DOCK9: variants seen among roughly 807,000 people sequenced by gnomAD.
The protein encoded by DOCK9 is dedicator of cytokinesis protein 9.
DOCK9 carries 89 observed loss-of-function variants against 263.3 expected under a neutral mutation model. That is an observed-to-expected ratio of 0.34 (90% confidence interval 0.28 to 0.40). The LOEUF (loss-of-function observed/expected upper bound fraction) is 0.40, where lower values mean the gene tolerates loss of function less well. DOCK9 is among the 10% of genes least tolerant of loss of function. The pLI is 1.00. For synonymous variants in DOCK9, 976 were observed against 973.1 expected (o/e 1.00, Z -0.06); for missense variants, 2,140 against 2,603.4 (o/e 0.82, Z 3.87).
chr13:99,086,505 G>A (rs1315341408), exon 1 of DOCK9: 16 of 361,560 alleles, frequency 4.4e-5, no homozygotes, highest in Non-Finnish European at 5.3e-5. Context: ...GAGTCCGGCC[G>A]CCGCAGCCCA....
upstream of DOCK9, among the ~76,000 whole-genome samples, chr13:99,087,601 G>A (rs2042376615): frequency 6.6e-6 from 1 of 152,164 alleles, no homozygotes; most frequent in Non-Finnish European, 1.5e-5. Context: ...GTCCCTAAGG[G>A]CCCGCTCCCG....
intron 2 of DOCK9, among the ~76,000 whole-genome samples, chr13:98,954,908 A>G (rs888705162): frequency 6.8e-6 from 1 of 147,992 alleles, no homozygotes; most frequent in Non-Finnish European, 1.5e-5. Flanking sequence ...ATTTTGGCAT[A>G]CTTATAATTA....
At chr13:98,923,467 A>G in intron 4 of DOCK9, 96 bp from the exon 5 acceptor site, 1 of 973,420 alleles carries the variant, frequency 1.0e-6, no homozygotes, top group African/African-American at 1.6e-5. Flanking sequence ...CCTTTACTAA[A>G]TCCAAAGATG....
intron 15 of DOCK9, among the ~76,000 whole-genome samples, chr13:98,894,957 CAAAAAAAAAAAA>C (rs71114557): frequency 0.11 from 8,340 of 73,542 alleles, 465 homozygotes; most frequent in African/African-American, 0.25. Context: ...TACTAAAATA[CAAAAAAAAAAAA>C]AAAAAAAAAA....
intron 9 of DOCK9, among the ~76,000 whole-genome samples, chr13:98,911,427 T>G (rs909650326): frequency 2.0e-5 from 3 of 152,096 alleles, no homozygotes; most frequent in Non-Finnish European, 2.9e-5. Flanking sequence ...ACTCCCAAAA[T>G]AGGTACATTA....
At chr13:98,794,895 G>A in intron 52 of DOCK9, 147 bp from the exon 53 acceptor site, 1 of 767,306 alleles carries the variant, frequency 1.3e-6, no homozygotes, top group South Asian at 1.8e-5. Context: ...CAATGTTACT[G>A]AGTATAAGGA....
intron 7 of DOCK9, among the ~76,000 whole-genome samples, chr13:98,917,616 T>C (rs1179912751): frequency 1.3e-5 from 2 of 150,486 alleles, no homozygotes; most frequent in Non-Finnish European, 1.5e-5. Context: ...GGCCCAAATA[T>C]ACTTTCATGT....
chr13:98,920,874 G>A (rs2051860565), intron 7 of DOCK9, 80 bp downstream of exon 7: 2 of 1,380,348 alleles, frequency 1.4e-6, no homozygotes, highest in East Asian at 2.4e-5. Context: ...TTTTGGAAGT[G>A]TTTGCTTAAA....
In DOCK9 at chr13:98,845,964, C is replaced by T; in HGVS notation, c.4158G>A (p.Gln1386=). The T allele has an allele frequency of 6.2e-7, 1 of 1,613,444 alleles. No homozygotes were observed. Among genetic ancestry groups the T allele is most frequent in the East Asian group, 2.2e-5 (1 of 44,874 alleles). ...NRTGMMHARL[Q]QLGSLDNSLT... is the part of the protein sequence containing the mutation. The stretch of plus-strand genomic sequence containing the variant: ...GAGAGTTATCCAGGCTGCCCAGCTG[C>T]TGCAATCTGGCATGCATCATTCCTG... The change falls in exon 38 of 53, where the codon CAG becomes CAA. Residue 1386 remains glutamine (Q), a synonymous_variant. Coordinates refer to ENST00000682017, the MANE Select transcript of DOCK9 (RefSeq NM_001366683.2).
chr13:98,894,957 CAAAAAAAA>C (rs71114557), intron 15 of DOCK9, among the ~76,000 whole-genome samples: 367 of 73,386 alleles, frequency 5.0e-3, no homozygotes, highest in African/African-American at 0.017. Context: ...TACTAAAATA[CAAAAAAAA>C]AAAAAAAAAA....
rs769228614 is a variant in DOCK9 at position 98,829,281 on chromosome 13, A to T, written c.4965+26T>A. The T allele has an allele frequency of 1.7e-5, 27 of 1,589,798 alleles. No individual in the cohort carries two copies. The African/African-American group carries it at 3.4e-4, about 20-fold the overall frequency. On this transcript the variant is annotated intron_variant, in intron 43 of 52. Coordinates refer to ENST00000682017, the MANE Select transcript of DOCK9 (RefSeq NM_001366683.2). The surrounding 1 kb of genome is among the most constrained non-coding windows in gnomAD (Gnocchi z 4.1). Reference sequence around the variant, plus strand: ...GCCTCACTGGTTTTTTCAAAAACCCATTCAAGCGGCTGGCAGGGCTACTAC... The same window carrying T: ...GCCTCACTGGTTTTTTCAAAAACCCTTTCAAGCGGCTGGCAGGGCTACTAC...
intron 1 of DOCK9, among the ~76,000 whole-genome samples, chr13:98,986,230 C>T (rs1200879960): frequency 6.6e-6 from 1 of 152,228 alleles, no homozygotes; most frequent in African/African-American, 2.4e-5. Flanking sequence ...TTACTTAAAG[C>T]AAGTTCCTTC....
intron 27 of DOCK9, among the ~76,000 whole-genome samples, chr13:98,869,042 T>A (rs1300214511): frequency 6.6e-6 from 1 of 152,226 alleles, no homozygotes; most frequent in Non-Finnish European, 1.5e-5. Flanking sequence ...CTTTGATGAT[T>A]CTGATGCCTG....
At chr13:99,081,930 C>T (rs1047824637) in intron 1 of DOCK9, among the ~76,000 whole-genome samples, 3 of 152,120 alleles carry the variant, frequency 2.0e-5, no homozygotes, top group Admixed American at 1.3e-4. Flanking sequence ...GTAGCACCTC[C>T]ACTACTTTTA....
At position 98,853,403 on chromosome 13, in the gene DOCK9, C is replaced by T; in HGVS notation, c.3946+5G>A. The stretch of plus-strand genomic sequence containing the variant: ...CAAAACAGAAATCTCCATTTTTTAA[C>T]CTACCATCAGACATGCTCTTTAAGA... On this transcript the variant is annotated splice_donor_5th_base_variant and intron_variant, in intron 35 of 52. Coordinates refer to ENST00000682017, the MANE Select transcript of DOCK9 (RefSeq NM_001366683.2). 6.3e-7 allele frequency: 1 copy of T among 1,578,560 alleles called. No homozygotes were observed. Among genetic ancestry groups the T allele is most frequent in the Non-Finnish European group, 8.6e-7 (1 of 1,158,776 alleles).
chr13:99,001,119 A>G (rs962424750), intron 1 of DOCK9, among the ~76,000 whole-genome samples: 9 of 152,224 alleles, frequency 5.9e-5, no homozygotes, highest in Admixed American at 2.0e-4. Context: ...AGACTAAACA[A>G]TGATTCTAAG....
At chr13:99,015,728 T>A (rs4772168) in intron 1 of DOCK9, 47 of 1,397,320 alleles carry the variant, frequency 3.4e-5, no homozygotes, top group Non-Finnish European at 4.3e-5. Context: ...TCACCGGTAC[T>A]GGAACAGAAG....
chr13:98,984,538 G>T (rs1157860332), intron 1 of DOCK9, among the ~76,000 whole-genome samples: 1 of 152,124 alleles, frequency 6.6e-6, no homozygotes, highest in Non-Finnish European at 1.5e-5. Flanking sequence ...ACAACAGAAT[G>T]TAACTACTGA....
intron 1 of DOCK9, among the ~76,000 whole-genome samples, chr13:99,029,817 C>A (rs1041903980): frequency 6.6e-6 from 1 of 152,164 alleles, no homozygotes; most frequent in Admixed American, 6.5e-5. Context: ...CATGTCCACA[C>A]AAAGACTTGT....
Sources: allele counts gnomAD v4.1 joint callset (sites outside exome capture counted in the v4.1 genomes callset), GRCh38; gene constraint gnomAD v4.1.1; non-coding constraint Gnocchi (gnomAD v3.1); transcripts MANE v1.5; gene names NCBI Gene and HGNC (gene_info 2026-07-23, HGNC 2026-07-21).